NBPF3: variants seen among roughly 807,000 people sequenced by gnomAD.
The protein encoded by NBPF3 is NBPF member 3.
In NBPF3, 57 loss-of-function variants were observed where a neutral mutation model predicts 78.1. That is an observed-to-expected ratio of 0.73 (90% CI 0.59 to 0.91). The LOEUF (loss-of-function observed/expected upper bound fraction) is 0.91, where lower values mean the gene tolerates loss of function less well. NBPF3 is among the 40% of genes least tolerant of loss of function. The probability of loss-of-function intolerance (pLI) is 0.00; values close to 1 mark genes in which losing one functional copy is unlikely to be tolerated. For missense variants in NBPF3, 510 were observed against 715.3 expected (o/e 0.71, Z 3.27); for synonymous variants, 182 against 271.7 (o/e 0.67, Z 3.25).
chr1:21,470,633 C>T lies in NBPF3; in HGVS notation c.345C>T (p.Asp115=), dbSNP rs752547930. 8.6e-5 allele frequency: 137 copies of T among 1,589,990 alleles called. No individual in the cohort carries two copies. Among genetic ancestry groups the T allele is most frequent in the Middle Eastern group, 5.1e-4 (3 of 5,916 alleles). The change falls in exon 4 of 15, where the codon GAC becomes GAT. Residue 115 remains aspartate (D), a splice_region_variant and synonymous_variant. Coordinates refer to ENST00000318249, the MANE Select transcript of NBPF3 (RefSeq NM_032264.6). ...YFLANRQNNY[D]YEDCKDLIKS... ...GCAGGCGTGTGTGTCTTTTCTCAGACTATGAAGACTGCAAAGACCTCATAA... is the reference window on the plus strand; with the variant it reads ...GCAGGCGTGTGTGTCTTTTCTCAGATTATGAAGACTGCAAAGACCTCATAA...
upstream of NBPF3, among the ~76,000 whole-genome samples, chr1:21,438,151 C>T (rs1055350438): frequency 6.6e-6 from 1 of 151,302 alleles, no homozygotes. Flanking sequence ...CTCACTCTGT[C>T]CCCTAGGCTG....
rs774129980 is a variant in NBPF3 at position 21,473,550 on chromosome 1, A to G, written c.905A>G (p.His302Arg). Residue 302 changes from histidine to arginine, a missense_variant, in exon 7 of 15, where the codon CAT becomes CGT. His to Arg is a conservative substitution (Grantham distance 29, BLOSUM62 0). This residue lies in a region of NBPF3 where 440 missense variants were observed against 478.2 expected (regional missense o/e 0.92). Coordinates refer to ENST00000318249, the MANE Select transcript of NBPF3 (RefSeq NM_032264.6). ...TCAACTCTCATTGACTCATCCTCTC[A>G]TGATGAATGGTTGGATGCTGTATGC... Reference protein sequence around the residue: ...VDSTLIDSSSHDEWLDAVCII... With the variant: ...VDSTLIDSSSRDEWLDAVCII... 69 of 1,613,500 alleles carry G rather than the reference A, an allele frequency of 4.3e-5. No homozygotes were observed. Among genetic ancestry groups the G allele is most frequent in the East Asian group, 3.6e-4 (16 of 44,904 alleles).
At position 21,445,124 on chromosome 1, in the gene NBPF3, C is replaced by T. The variant is rs981452894; in HGVS notation, c.38C>T (p.Thr13Ile). The T allele has an allele frequency of 5.0e-6, 8 of 1,611,774 alleles. No individual in the cohort carries two copies. Among genetic ancestry groups the T allele is most frequent in the African/African-American group, 1.3e-5 (1 of 74,850 alleles). Residue 13 changes from threonine (T) to isoleucine (I), a missense_variant, in exon 2 of 15, where the codon ACT becomes ATT. Thr to Ile is a moderately conservative substitution (Grantham distance 89). Transcript: ENST00000318249. ...LTPTVQGFQW[T>I]LRGPDVETSP... is the part of the protein sequence containing the mutation. ...CCCACTGTCCAGGGCTTCCAGTGGACTCTCCGAGGCCCTGATGTAGAAACT... is the reference window on the plus strand; with the variant it reads ...CCCACTGTCCAGGGCTTCCAGTGGATTCTCCGAGGCCCTGATGTAGAAACT...
At chr1:21,473,322 G>T in intron 6 of NBPF3, 58 bp from the exon 7 acceptor site, 1 of 1,576,420 alleles carries the variant, frequency 6.3e-7, no homozygotes, top group Non-Finnish European at 8.7e-7. Flanking sequence ...AGCACTCCCT[G>T]GTGTCCAATC....
At chr1:21,441,823 A>G (rs778613540) in intron 1 of NBPF3, among the ~76,000 whole-genome samples, 2 of 152,164 alleles carry the variant, frequency 1.3e-5, no homozygotes, top group Non-Finnish European at 2.9e-5. Flanking sequence ...TTTTAGAGGT[A>G]TATGAATGAT....
intron 8 of NBPF3, 117 bp from the exon 9 acceptor site, chr1:21,478,027 T>G (rs1250506743): frequency 6.2e-7 from 1 of 1,602,402 alleles, no homozygotes; most frequent in Non-Finnish European, 8.5e-7. Context: ...GAAGGAAAAA[T>G]GCCTTTGGTT....
intron 1 of NBPF3, among the ~76,000 whole-genome samples, chr1:21,444,713 A>G (rs1265995477): frequency 6.6e-6 from 1 of 152,084 alleles, no homozygotes; most frequent in Non-Finnish European, 1.5e-5. Flanking sequence ...GTGTGCCACC[A>G]TGCTCAGCTT....
Position 21,483,034 on chromosome 1 carries a change from A to G in NBPF3, c.1659-109A>G, listed in dbSNP as rs189615433. 1,427 of 1,246,420 alleles carry G rather than the reference A, an allele frequency of 1.1e-3. 72 individuals carry two copies. The African/African-American group carries it at 0.019, about 17-fold the overall frequency. 77.2% of individuals were successfully genotyped at this position (1,246,420 alleles called of 1,614,324 possible). ...ATTTTTTTACCTCATTAATGGAACT[A>G]TCCTTTTCCTTTTTTGACCACTTCC... On this transcript the variant is annotated intron_variant, in intron 14 of 14. Coordinates refer to ENST00000318249, the MANE Select transcript of NBPF3 (RefSeq NM_032264.6).
At chr1:21,453,397 C>A (rs146765017) in intron 2 of NBPF3, 4 of 152,362 alleles carry the variant, frequency 2.6e-5, no homozygotes, top group Middle Eastern at 3.4e-3. Context: ...GATCCAGAGA[C>A]ATTCTCCTTA....
intron 2 of NBPF3, among the ~76,000 whole-genome samples, chr1:21,462,643 C>T (rs147910642): frequency 1.1e-3 from 163 of 152,322 alleles, no homozygotes; most frequent in African/African-American, 3.7e-3. Context: ...ATTCAAGTGA[C>T]ACACTGTTTC....
At chr1:21,466,656 C>T (rs780027960) in intron 2 of NBPF3, among the ~76,000 whole-genome samples, 1 of 152,368 alleles carries the variant, frequency 6.6e-6, no homozygotes, top group Non-Finnish European at 1.5e-5. Context: ...GGAGGTCACA[C>T]CTCTGTCCTG....
At chr1:21,455,060 C>T (rs1053655178) in intron 2 of NBPF3, among the ~76,000 whole-genome samples, 3 of 152,170 alleles carry the variant, frequency 2.0e-5, no homozygotes, top group Non-Finnish European at 4.4e-5. Flanking sequence ...AGGGGCCTCT[C>T]GCTGCTCCTA....
At chr1:21,457,776 T>C (rs1641713531) in intron 2 of NBPF3, among the ~76,000 whole-genome samples, 1 of 152,210 alleles carries the variant, frequency 6.6e-6, no homozygotes, top group South Asian at 2.1e-4. Flanking sequence ...ATGTACACAC[T>C]ATGTGTGCAC....
At chr1:21,466,458 C>T (rs1289518330) in intron 2 of NBPF3, among the ~76,000 whole-genome samples, 2 of 152,298 alleles carry the variant, frequency 1.3e-5, no homozygotes, top group Non-Finnish European at 2.9e-5. Context: ...TATGAAAAGG[C>T]CAAAGTCTTA....
chr1:21,447,526 G>A (rs1224115752), intron 2 of NBPF3, among the ~76,000 whole-genome samples: 3 of 152,086 alleles, frequency 2.0e-5, no homozygotes, highest in African/African-American at 7.2e-5. Context: ...TTCCAGACTG[G>A]CTTCTTTCTA....
At chr1:21,468,409 C>A (rs2147978274) in intron 2 of NBPF3, 1 of 1,331,144 alleles carries the variant, frequency 7.5e-7, no homozygotes, top group East Asian at 3.1e-5. Context: ...CCATGACACC[C>A]CCACCTTCTA....
upstream of NBPF3, chr1:21,437,336 G>A (rs1405475746): frequency 1.3e-5 from 6 of 454,778 alleles, no homozygotes; most frequent in Non-Finnish European, 2.3e-5. Context: ...TTTGATTGGA[G>A]TTGTCCGGGA....
chr1:21,463,244 A>AG (rs1457337704), intron 2 of NBPF3, among the ~76,000 whole-genome samples: 2 of 152,186 alleles, frequency 1.3e-5, no homozygotes, highest in African/African-American at 4.8e-5. Flanking sequence ...GCGTTCTCAG[A>AG]GAGGTCTCGA....
In NBPF3 at chr1:21,481,784, A is replaced by G. The variant is rs1482651502; in HGVS notation, c.1606+15A>G. On this transcript the variant is annotated intron_variant, in intron 13 of 14. Transcript: ENST00000318249. ...TGACGTGGATGGTGAGTACCTTTCT[A>G]TGAGGGTGATAAGGATCCACTGAGT... 2 of 765,816 alleles carry G rather than the reference A, an allele frequency of 2.6e-6. No homozygotes were observed. Among genetic ancestry groups the G allele is most frequent in the Admixed American group, 3.9e-5 (1 of 25,330 alleles). 47.4% of individuals were successfully genotyped at this position (765,816 alleles called of 1,614,324 possible).
Sources: allele counts gnomAD v4.1 joint callset (sites outside exome capture counted in the v4.1 genomes callset), GRCh38; gene constraint gnomAD v4.1.1; regional missense constraint gnomAD v4.1.1; transcripts MANE v1.5; gene names NCBI Gene and HGNC (gene_info 2026-07-23, HGNC 2026-07-21).